Variants in THRB observed in about 807,000 individuals in gnomAD.
The protein encoded by THRB is nuclear receptor subfamily 1 group A member 2.
THRB carries 12 observed loss-of-function variants against 47.8 expected under a neutral mutation model. The ratio of observed to expected loss-of-function variants is 0.25; its 90% CI spans 0.16 to 0.41. THRB has a LOEUF of 0.41. Among genes scored for constraint, THRB ranks in the 10% least tolerant of loss-of-function variants. THRB has a pLI of 1.00. For missense variants in THRB, 348 were observed against 589.2 expected, an observed-to-expected ratio of 0.59 and a Z score of 4.24; for synonymous variants, 218 against 212.2, an observed-to-expected ratio of 1.03 and a Z score of -0.24.
chr3:24,344,191 C>G (rs982095528), intron 1 of THRB, among the ~76,000 whole-genome samples: 2 of 151,846 alleles, frequency 1.3e-5, no homozygotes, highest in African/African-American at 2.4e-5. Flanking sequence ...CAACTATGAG[C>G]AACTATATTG....
At chr3:24,268,912 A>G (rs879583849) in intron 3 of THRB, among the ~76,000 whole-genome samples, 3 of 152,158 alleles carry the variant, frequency 2.0e-5, no homozygotes, top group Admixed American at 2.0e-4. Context: ...AAGAAAATAG[A>G]AAATTTCTTA....
At chr3:24,209,783 C>T (rs1250539796) in intron 4 of THRB, among the ~76,000 whole-genome samples, 1 of 151,968 alleles carries the variant, frequency 6.6e-6, no homozygotes, top group Non-Finnish European at 1.5e-5. Context: ...AATTAACAAA[C>T]TGCACATTGT....
chr3:24,425,482 G>A (rs1315262587), intron 1 of THRB, among the ~76,000 whole-genome samples: 2 of 151,704 alleles, frequency 1.3e-5, no homozygotes, highest in Middle Eastern at 3.2e-3. Context: ...ATATATTAAG[G>A]ATTACTTTTA....
intron 1 of THRB, among the ~76,000 whole-genome samples, chr3:24,468,640 C>A (rs1027934531): frequency 6.6e-6 from 1 of 152,172 alleles, no homozygotes; most frequent in Non-Finnish European, 1.5e-5. Context: ...GTTAGACACA[C>A]ACATTTATTG....
At chr3:24,192,357 T>G (rs566937242) in intron 4 of THRB, among the ~76,000 whole-genome samples, 12 of 146,828 alleles carry the variant, frequency 8.2e-5, no homozygotes, top group Non-Finnish European at 1.5e-4. Flanking sequence ...ACATGAAAAT[T>G]CTTCTCAGCA....
At chr3:24,350,918 C>T (rs1277527815) in intron 1 of THRB, among the ~76,000 whole-genome samples, 3 of 152,088 alleles carry the variant, frequency 2.0e-5, no homozygotes, top group Non-Finnish European at 2.9e-5. Context: ...ATGGGACCTA[C>T]AGCTTACATC....
intron 4 of THRB, among the ~76,000 whole-genome samples, chr3:24,205,334 G>C (rs1043710220): frequency 3.9e-5 from 6 of 152,206 alleles, no homozygotes. Context: ...CCAGAAGAGA[G>C]TGGGGGCCAT....
intron 3 of THRB, among the ~76,000 whole-genome samples, chr3:24,256,661 T>C (rs1408994857): frequency 1.3e-5 from 2 of 152,106 alleles, no homozygotes; most frequent in East Asian, 3.9e-4. Flanking sequence ...ACCTCTACTG[T>C]ACTTGGGAGG....
intron 1 of THRB, among the ~76,000 whole-genome samples, chr3:24,476,601 G>A (rs77339880): frequency 0.023 from 3,500 of 152,200 alleles, 148 homozygotes; most frequent in African/African-American, 0.078. Flanking sequence ...ACCAATTTGG[G>A]AACATCCTGT....
At position 24,118,176 on chromosome 3, in the gene THRB, A is replaced by G. The variant is rs2030990973; in HGVS notation, c.*4708T>C. 6.5e-6 allele frequency: 1 copy of G among 152,688 alleles called. No individual in the cohort carries two copies. Among genetic ancestry groups the G allele is most frequent in the African/African-American group, 2.4e-5 (1 of 41,476 alleles). 9.5% of individuals were successfully genotyped at this position (152,688 alleles called of 1,614,324 possible). A position where few individuals can be genotyped will look rare whatever the true frequency, so the allele number is the denominator to read the frequency against. On this transcript the variant is annotated 3_prime_UTR_variant, in exon 11 of 11. Coordinates refer to ENST00000646209, the MANE Select transcript of THRB (RefSeq NM_001354712.2). ...AGCAGGCAACTCTTTGCCTATGTAG[A>G]AAATAATAATATTTAAAGAAAGAGA...
At chr3:24,218,340 C>CTTT (rs545127528) in intron 4 of THRB, among the ~76,000 whole-genome samples, 8,864 of 115,056 alleles carry the variant, frequency 0.077, 465 homozygotes, top group Non-Finnish European at 0.095. Context: ...CTCTCTCTCT[C>CTTT]TCTTTTTTTT....
intron 3 of THRB, among the ~76,000 whole-genome samples, chr3:24,242,399 A>G (rs1195012517): frequency 2.6e-5 from 4 of 151,894 alleles, no homozygotes; most frequent in Non-Finnish European, 5.9e-5. Context: ...TTCCTGCTGT[A>G]CTTGTACCGA....
At chr3:24,395,561 G>A (rs1046514901) in intron 1 of THRB, among the ~76,000 whole-genome samples, 9 of 151,944 alleles carry the variant, frequency 5.9e-5, no homozygotes, top group African/African-American at 1.5e-4. Context: ...AAACTACAGC[G>A]ATATACCATT....
chr3:24,346,870 G>C (rs2063052495), intron 1 of THRB, among the ~76,000 whole-genome samples: 1 of 151,972 alleles, frequency 6.6e-6, no homozygotes, highest in African/African-American at 2.4e-5. Flanking sequence ...GGTAGAACAG[G>C]CTATTAAAAA....
At chr3:24,130,532 A>G (rs746079097) in intron 9 of THRB, among the ~76,000 whole-genome samples, 1 of 152,138 alleles carries the variant, frequency 6.6e-6, no homozygotes, top group African/African-American at 2.4e-5. Context: ...GACTCAGTAG[A>G]GTTCCTCCTC....
At chr3:24,123,754 G>A (rs1161511482) in intron 10 of THRB, among the ~76,000 whole-genome samples, 1 of 152,138 alleles carries the variant, frequency 6.6e-6, no homozygotes, top group Admixed American at 6.5e-5. Flanking sequence ...AAATGAAAAG[G>A]GGAGGGGAGC....
intron 1 of THRB, among the ~76,000 whole-genome samples, chr3:24,415,336 C>A (rs999262400): frequency 2.6e-5 from 4 of 151,960 alleles, no homozygotes; most frequent in African/African-American, 9.6e-5. Context: ...GAATATCATT[C>A]TTTCTGCCAT....
At chr3:24,204,608 A>G (rs1266278158) in intron 4 of THRB, among the ~76,000 whole-genome samples, 1 of 152,234 alleles carries the variant, frequency 6.6e-6, no homozygotes, top group East Asian at 1.9e-4. Flanking sequence ...CTCCCCCTCC[A>G]AAGGAACACA....
intron 3 of THRB, among the ~76,000 whole-genome samples, chr3:24,287,848 T>C (rs987416742): frequency 1.3e-5 from 2 of 152,150 alleles, no homozygotes; most frequent in Non-Finnish European, 2.9e-5. Context: ...CACCCTACTT[T>C]GGCATGAACT....
Sources: allele counts gnomAD v4.1 joint callset (sites outside exome capture counted in the v4.1 genomes callset), GRCh38; gene constraint gnomAD v4.1.1; transcripts MANE v1.5; gene names NCBI Gene and HGNC (gene_info 2026-07-23, HGNC 2026-07-21).